Variants in RUNDC3B observed in about 807,000 individuals in gnomAD.
RUNDC3B encodes the protein RUN domain containing 3B.
In RUNDC3B, 33 loss-of-function variants were observed where a neutral mutation model predicts 58.4. The ratio of observed to expected loss-of-function variants is 0.56; its 90% confidence interval spans 0.43 to 0.75. The LOEUF (loss-of-function observed/expected upper bound fraction) is 0.75, where lower values mean the gene tolerates loss of function less well. RUNDC3B is among the 30% of genes least tolerant of loss of function. The pLI is 0.00. For missense variants in RUNDC3B, 501 were observed against 535.7 expected (o/e 0.94, Z 0.64); for synonymous variants, 193 against 195.2 (o/e 0.99, Z 0.10).
chr7:87,825,091 G>A (rs1259919198), intron 10 of RUNDC3B, among the ~76,000 whole-genome samples: 3 of 151,982 alleles, frequency 2.0e-5, no homozygotes, highest in Admixed American at 6.6e-5. Context: ...GCATGGTGGC[G>A]GGTGCCTGTA....
chr7:87,817,920 A>G (rs927697288), intron 10 of RUNDC3B, among the ~76,000 whole-genome samples: 12 of 152,268 alleles, frequency 7.9e-5, no homozygotes, highest in African/African-American at 2.4e-4. Context: ...GGAATAAAGT[A>G]GAAATTCATT....
chr7:87,829,533 A>T (rs1407095893), intron 10 of RUNDC3B, among the ~76,000 whole-genome samples: 1 of 152,066 alleles, frequency 6.6e-6, no homozygotes, highest in African/African-American at 2.4e-5. Flanking sequence ...TGGGTTCTCT[A>T]TTCTGTTCCA....
chr7:87,742,101 G>T (rs1022967501), intron 6 of RUNDC3B, among the ~76,000 whole-genome samples: 1 of 152,092 alleles, frequency 6.6e-6, no homozygotes, highest in Non-Finnish European at 1.5e-5. Flanking sequence ...GAGAATTCTG[G>T]ATTTCCCACA....
intron 4 of RUNDC3B, among the ~76,000 whole-genome samples, chr7:87,714,059 T>C (rs1430206582): frequency 6.6e-6 from 1 of 151,780 alleles, no homozygotes; most frequent in Admixed American, 6.6e-5. Flanking sequence ...AAAAAATGAG[T>C]TGACAAATAC....
intron 5 of RUNDC3B, among the ~76,000 whole-genome samples, chr7:87,740,147 C>A (rs926259208): frequency 6.6e-6 from 1 of 152,000 alleles, no homozygotes; most frequent in African/African-American, 2.4e-5. Context: ...CCCAACAGCC[C>A]CCTCCCTAAT....
chr7:87,803,247 C>A (rs1053025696), intron 8 of RUNDC3B, among the ~76,000 whole-genome samples: 1 of 151,864 alleles, frequency 6.6e-6, no homozygotes, highest in African/African-American at 2.4e-5. Flanking sequence ...GCTCTTTGAA[C>A]CTTAACTGAA....
rs544718450 is a variant in RUNDC3B at position 87,700,877 on chromosome 7, T to A, written c.372+323T>A. ...CTGCCAATGCAGACACAATGGTGGA[T>A]AAAACTGTTGGAACCTTAGCACGAA... On this transcript the variant is annotated intron_variant, in intron 3 of 10. Coordinates refer to ENST00000394654, the MANE Select transcript of RUNDC3B (RefSeq NM_001134405.2). Among the ~76,000 whole-genome samples the A allele has an allele frequency of 3.2e-4, 48 of 152,364 alleles. No homozygotes were observed. The South Asian group carries it at 7.5e-3, about 24-fold the overall frequency.
chr7:87,704,562 A>G (rs1829423944), intron 3 of RUNDC3B, among the ~76,000 whole-genome samples: 1 of 152,236 alleles, frequency 6.6e-6, no homozygotes, highest in South Asian at 2.1e-4. Context: ...AACTCTCTTA[A>G]CAAGGCTCTT....
intron 4 of RUNDC3B, among the ~76,000 whole-genome samples, chr7:87,714,884 C>A (rs1346252989): frequency 6.6e-6 from 1 of 152,104 alleles, no homozygotes; most frequent in East Asian, 1.9e-4. Context: ...ACCTCCCTGA[C>A]CGCACGTCCA....
chr7:87,655,438 A>T (rs943931399), intron 2 of RUNDC3B, among the ~76,000 whole-genome samples: 19 of 152,270 alleles, frequency 1.2e-4, no homozygotes, highest in Non-Finnish European at 1.0e-4. Flanking sequence ...ATGACCCAGG[A>T]GACATTATGT....
chr7:87,759,506 GAC>G (rs1833559824), intron 6 of RUNDC3B, among the ~76,000 whole-genome samples: 1 of 152,020 alleles, frequency 6.6e-6, no homozygotes, highest in African/African-American at 2.4e-5. Context: ...ACAAAGAAAT[GAC>G]ACATGTGGTT....
chr7:87,753,745 AT>A (rs1260609482), intron 6 of RUNDC3B, among the ~76,000 whole-genome samples: 2 of 152,118 alleles, frequency 1.3e-5, no homozygotes, highest in Admixed American at 6.6e-5. Context: ...CCATCAGCAA[AT>A]TCTTTGTCAA....
chr7:87,760,518 A>G (rs1448238978), intron 6 of RUNDC3B, among the ~76,000 whole-genome samples: 1 of 152,084 alleles, frequency 6.6e-6, no homozygotes, highest in African/African-American at 2.4e-5. Context: ...GGGACTCTAA[A>G]TAGCCAAAAC....
intron 9 of RUNDC3B, among the ~76,000 whole-genome samples, chr7:87,813,481 T>C (rs979982069): frequency 1.1e-4 from 17 of 152,134 alleles, no homozygotes; most frequent in African/African-American, 4.1e-4. Flanking sequence ...TGTAACTATT[T>C]CTATATATAA....
In RUNDC3B at chr7:87,656,614, G is replaced by A. The variant is rs77233919; in HGVS notation, c.238+5677G>A. Among the ~76,000 whole-genome samples, 531 of 152,068 alleles carry A rather than the reference G, an allele frequency of 3.5e-3. 6 individuals are homozygous for A. In the East Asian group the frequency reaches 0.05, roughly 14 times the overall value. On this transcript the variant is annotated intron_variant, in intron 2 of 10. Transcript: ENST00000394654. ...AAAATAGAATAAAGAAGAGAAAGAC[G>A]TTAGAGGATACTCATTTTCCAAAAC... is the stretch of plus-strand genomic sequence containing the variant.
rs140681717 is a variant in RUNDC3B at position 87,803,870 on chromosome 7, A to G, written c.957-3503A>G. 4.9e-4 allele frequency among the ~76,000 whole-genome samples: 75 copies of G among 152,278 alleles called. No homozygotes were observed. The East Asian group carries it at 0.01, about 21-fold the overall frequency. The stretch of plus-strand genomic sequence containing the variant: ...AGGTGGTATATGGGAAATCAGCAAG[A>G]ATCCATATAAGGCCTCAAGCTGGAA... On this transcript the variant is annotated intron_variant, in intron 8 of 10. Coordinates refer to ENST00000394654, the MANE Select transcript of RUNDC3B (RefSeq NM_001134405.2).
chr7:87,667,067 A>G (rs1825330833), intron 2 of RUNDC3B, among the ~76,000 whole-genome samples: 1 of 152,190 alleles, frequency 6.6e-6, no homozygotes, highest in African/African-American at 2.4e-5. Context: ...TTGAATCTAT[A>G]AATTGCTTTG....
At chr7:87,757,753 C>A (rs1350910202) in intron 6 of RUNDC3B, among the ~76,000 whole-genome samples, 3 of 151,948 alleles carry the variant, frequency 2.0e-5, no homozygotes, top group Non-Finnish European at 4.4e-5. Context: ...AAATCACCTG[C>A]AAATACTATA....
intron 10 of RUNDC3B, among the ~76,000 whole-genome samples, chr7:87,821,745 C>T (rs1837453572): frequency 6.6e-6 from 1 of 152,180 alleles, no homozygotes; most frequent in Non-Finnish European, 1.5e-5. Context: ...CGCATATCTA[C>T]AACCATCTGA....
Sources: gnomAD v4.1 joint callset for allele counts (sites outside exome capture counted in the v4.1 genomes callset) on GRCh38, gnomAD v4.1.1 for gene constraint, MANE v1.5 for transcripts, NCBI Gene and HGNC (gene_info 2026-07-23, HGNC 2026-07-21) for gene names.